Variants in MICAL3 observed in about 807,000 individuals in gnomAD.
MICAL3 encodes [F-actin]-monooxygenase MICAL3.
In MICAL3, 62 loss-of-function variants were observed where a neutral mutation model predicts 207.4. The ratio of observed to expected loss-of-function variants is 0.30; its 90% CI spans 0.24 to 0.37. The LOEUF (loss-of-function observed/expected upper bound fraction) is 0.37, where lower values mean the gene tolerates loss of function less well. Ranked by LOEUF, MICAL3 falls within the 10% of genes least tolerant of loss-of-function variation. MICAL3 has a pLI of 1.00. For synonymous variants in MICAL3, 1,077 were observed against 1,069.3 expected, an observed-to-expected ratio of 1.01 and a Z score of -0.14; for missense variants, 2,368 against 2,635.6, an observed-to-expected ratio of 0.90 and a Z score of 2.22.
At chr22:17,943,799 G>A (rs1933922429) in intron 1 of MICAL3, among the ~76,000 whole-genome samples, 2 of 152,244 alleles carry the variant, frequency 1.3e-5, no homozygotes. Flanking sequence ...AATCAGCACA[G>A]AGAAGGTGGA....
At chr22:17,791,473 C>T in intron 29 of MICAL3, 172 bp from the exon 30 acceptor site, 1 of 632,590 alleles carries the variant, frequency 1.6e-6, no homozygotes, top group Admixed American at 2.5e-5. Flanking sequence ...GTCCCCCTTC[C>T]TGGGGCCTGC....
chr22:17,947,415 T>G (rs774230119), intron 1 of MICAL3, among the ~76,000 whole-genome samples: 5 of 152,226 alleles, frequency 3.3e-5, no homozygotes, highest in Non-Finnish European at 5.9e-5. Context: ...CAGTCCAGCT[T>G]TCTCTCACCT....
chr22:17,904,370 C>A (rs1038331664), intron 3 of MICAL3, among the ~76,000 whole-genome samples: 1 of 152,220 alleles, frequency 6.6e-6, no homozygotes, highest in African/African-American at 2.4e-5. Flanking sequence ...GAAGAGTCCA[C>A]GACCTAACAG....
intron 19 of MICAL3, among the ~76,000 whole-genome samples, chr22:17,845,515 AGAGT>A (rs1468495681): frequency 6.6e-6 from 1 of 152,066 alleles, no homozygotes. Flanking sequence ...GAACATAGAG[AGAGT>A]GAGTCAGCAC....
At chr22:17,885,719 T>C (rs1446127337) in intron 16 of MICAL3, among the ~76,000 whole-genome samples, 159 bp downstream of exon 16, 1 of 152,164 alleles carries the variant, frequency 6.6e-6, no homozygotes, top group Non-Finnish European at 1.5e-5. Context: ...AGCAAGCATA[T>C]ACAGGGCTCT....
chr22:17,796,392 G>A lies in MICAL3; in HGVS notation c.5651-5091C>T, dbSNP rs758630927. Reference sequence around the variant, plus strand: ...CCAGAGCAGCGCATGAGATGGGCACGGATGGCACTCTCCGGCTTCAGGGCG... The same window carrying A: ...CCAGAGCAGCGCATGAGATGGGCACAGATGGCACTCTCCGGCTTCAGGGCG... On this transcript the variant is annotated intron_variant, in intron 29 of 31. Transcript: ENST00000441493. The surrounding 1 kb of genome is among the most constrained non-coding windows in gnomAD (Gnocchi z 4.4). 1.1e-4 allele frequency among the ~76,000 whole-genome samples: 17 copies of A among 152,236 alleles called. No individual in the cohort carries two copies. The highest frequency in any genetic ancestry group is 2.9e-4 in the African/African-American group (12 of 41,464).
chr22:17,887,460 C>CA lies in MICAL3; in HGVS notation c.1892-26dup. ...TCTGGGAATAGAAACCAGTGATGTT[C>CA]AAGCACAGCCCTTGAGGGCGCCGCA... On this transcript the variant is annotated intron_variant, in intron 13 of 31. Transcript: ENST00000441493. 3 of 1,552,288 alleles carry CA rather than the reference C, an allele frequency of 1.9e-6. No individual in the cohort carries two copies. In the South Asian group the frequency reaches 3.4e-5, roughly 18 times the overall value.
intron 29 of MICAL3, among the ~76,000 whole-genome samples, chr22:17,801,820 G>A (rs994871943): frequency 6.6e-6 from 1 of 152,074 alleles, no homozygotes; most frequent in Non-Finnish European, 1.5e-5. Flanking sequence ...CTTGAACCCG[G>A]GAGGCGGAGC....
chr22:17,891,716 C>T (rs548772099), intron 11 of MICAL3, 84 bp from the exon 12 acceptor site: 7 of 1,371,662 alleles, frequency 5.1e-6, no homozygotes, highest in African/African-American at 2.9e-5. Flanking sequence ...ACACATGTCC[C>T]CTTTGAAAAA....
At chr22:17,913,788 G>GT (rs759050415) in intron 1 of MICAL3, among the ~76,000 whole-genome samples, 57 of 152,148 alleles carry the variant, frequency 3.7e-4, no homozygotes, top group Non-Finnish European at 7.8e-4. Context: ...GAGAAATGAA[G>GT]TAAGTCAGAA....
chr22:17,949,856 G>A (rs1430357542), intron 1 of MICAL3, among the ~76,000 whole-genome samples: 1 of 152,232 alleles, frequency 6.6e-6, no homozygotes, highest in African/African-American at 2.4e-5. Flanking sequence ...AAGCAACTGG[G>A]GAGCCTGGCA....
intron 1 of MICAL3, among the ~76,000 whole-genome samples, chr22:17,976,589 ATTTT>A (rs1195101695): frequency 3.0e-5 from 2 of 67,108 alleles, no homozygotes; most frequent in African/African-American, 1.3e-4. Flanking sequence ...ATATATATAT[ATTTT>A]TTTTTTTTTT....
rs368546900 is a variant in MICAL3 at position 17,927,629 on chromosome 22, A to G, written c.-74-20743T>C. ...TCTGCCTGCTGCTCCAGGAACACCC[A>G]TGTTCTTTCCAGCACAGTTTCTTTT... On this transcript the variant is annotated intron_variant, in intron 1 of 31. Transcript: ENST00000441493. 3.2e-4 allele frequency among the ~76,000 whole-genome samples: 48 copies of G among 152,154 alleles called. 2 individuals carry two copies. In the East Asian group the frequency reaches 6.8e-3, roughly 21 times the overall value.
intron 22 of MICAL3, among the ~76,000 whole-genome samples, chr22:17,824,360 G>A (rs1451873552): frequency 7.9e-5 from 12 of 152,236 alleles, no homozygotes; most frequent in East Asian, 1.9e-4. Context: ...GATGGCGCCC[G>A]GTTAGGTGGA....
At chr22:17,904,268 C>A (rs1931552104) in intron 3 of MICAL3, among the ~76,000 whole-genome samples, 1 of 152,246 alleles carries the variant, frequency 6.6e-6, no homozygotes, top group South Asian at 2.1e-4. Flanking sequence ...TCTGCCACTG[C>A]AAGAAGGACC....
At position 17,787,701 on chromosome 22, in the gene MICAL3, T is replaced by C. The variant is rs2061799034; in HGVS notation, c.*3031A>G. 6.6e-6 allele frequency: 1 copy of C among 152,244 alleles called. No homozygotes were observed. Among genetic ancestry groups the C allele is most frequent in the South Asian group, 2.1e-4 (1 of 4,836 alleles). 9.4% of individuals were successfully genotyped at this position (152,244 alleles called of 1,614,324 possible). A position where few individuals can be genotyped will look rare whatever the true frequency, so the allele number is the denominator to read the frequency against. On this transcript the variant is annotated 3_prime_UTR_variant, in exon 32 of 32. Coordinates refer to ENST00000441493, the MANE Select transcript of MICAL3 (RefSeq NM_015241.3). ...AAAACAGACCCATTCCCTTTGTGGGTCAGATGTTACCACCTTTAAAAAAAT... is the reference window on the plus strand; with the variant it reads ...AAAACAGACCCATTCCCTTTGTGGGCCAGATGTTACCACCTTTAAAAAAAT...
At chr22:17,860,806 C>T (rs545926164) in intron 19 of MICAL3, 34 of 985,448 alleles carry the variant, frequency 3.5e-5, no homozygotes, top group East Asian at 2.3e-4. Flanking sequence ...GCGTGCTGCC[C>T]GTACGCTGCT....
intron 19 of MICAL3, among the ~76,000 whole-genome samples, chr22:17,846,859 G>C (rs995103189): frequency 2.6e-5 from 4 of 152,182 alleles, no homozygotes; most frequent in African/African-American, 7.2e-5. Flanking sequence ...ATACCACAAG[G>C]AAACAGCTCC....
At chr22:17,834,930 C>T (rs1399564061) in intron 20 of MICAL3, among the ~76,000 whole-genome samples, 3 of 152,222 alleles carry the variant, frequency 2.0e-5, no homozygotes, top group Non-Finnish European at 4.4e-5. Context: ...GGGAAGGCCC[C>T]CTGGTTCCTC....
Sources: allele counts gnomAD v4.1 joint callset (sites outside exome capture counted in the v4.1 genomes callset), GRCh38; gene constraint gnomAD v4.1.1; non-coding constraint Gnocchi (gnomAD v3.1); transcripts MANE v1.5; gene names NCBI Gene and HGNC (gene_info 2026-07-23, HGNC 2026-07-21).